The following GRPR variants were observed in gnomAD, a reference collection of about 807,000 sequenced individuals.
GRPR encodes gastrin releasing peptide receptor.
Under a neutral mutation model 15.6 loss-of-function variants are expected in GRPR, and 4 were observed. The observed-to-expected ratio is 0.26, with a 90% CI of 0.13 to 0.59. GRPR has a LOEUF of 0.59. Ranked by LOEUF, GRPR falls within the 20% of genes least tolerant of loss-of-function variation. GRPR has a pLI of 0.90. For synonymous variants in GRPR, 128 were observed against 126.8 expected (o/e 1.01, Z -0.06); for missense variants, 270 against 304.1 (o/e 0.89, Z 0.83).
At chrX:16,151,401 A>C (rs1280361945) in intron 2 of GRPR, among the ~76,000 whole-genome samples, 1 of 86,857 alleles carries the variant, frequency 1.2e-5, no homozygotes, top group Non-Finnish European at 2.5e-5. Flanking sequence ...GGTGTAGATC[A>C]TGTAGCATCT....
chrX:16,151,939 CT>C (rs1922712114), intron 2 of GRPR, among the ~76,000 whole-genome samples: 1 of 111,737 alleles, frequency 8.9e-6, no homozygotes, highest in Non-Finnish European at 1.9e-5. Flanking sequence ...ATGTAATCAA[CT>C]TTGTTTAAAG....
chrX:16,150,190 TGA>T (rs1922673684), intron 1 of GRPR, 113 bp from the exon 2 acceptor site: 2 of 562,331 alleles, frequency 3.6e-6, no homozygotes, highest in Admixed American at 2.5e-5. Flanking sequence ...GACCCGAAAG[TGA>T]GCACCTCCTT....
intron 1 of GRPR, among the ~76,000 whole-genome samples, chrX:16,144,474 A>G (rs1416367023): frequency 1.8e-5 from 2 of 111,971 alleles, no homozygotes; most frequent in African/African-American, 6.5e-5. Flanking sequence ...TAGTGCAACA[A>G]TTCCTACAGA....
chrX:16,123,814 T>C lies in GRPR; in HGVS notation c.-140T>C. ...AGAGAGTTTTGAATACCATAGTTAG[T>C]ATATATGTACTCAGAGTATTTTTAT... On this transcript the variant is annotated 5_prime_UTR_variant, in exon 1 of 3. Transcript: ENST00000380289. 2 of 527,093 alleles carry C rather than the reference T, an allele frequency of 3.8e-6. No individual in the cohort carries two copies. Among genetic ancestry groups the C allele is most frequent in the Non-Finnish European group, 3.3e-6 (1 of 302,577 alleles). 43.4% of individuals were successfully genotyped at this position (527,093 alleles called of 1,213,427 possible).
At position 16,135,856 on chromosome X, in the gene GRPR, C is replaced by T. The variant is rs113138024; in HGVS notation, c.413+11490C>T. On this transcript the variant is annotated intron_variant, in intron 1 of 2. Coordinates refer to ENST00000380289, the MANE Select transcript of GRPR (RefSeq NM_005314.3). Reference sequence around the variant, plus strand: ...ATTTCATTATTATCTTTTCTTCTCCCTTTACACTTTAAATGTTTGGAAACA... The same window carrying T: ...ATTTCATTATTATCTTTTCTTCTCCTTTTACACTTTAAATGTTTGGAAACA... Among the ~76,000 whole-genome samples the T allele has an allele frequency of 5.8e-3, 651 of 111,992 alleles. 4 individuals are homozygous for T. Among genetic ancestry groups the T allele is most frequent in the African/African-American group, 0.02 (611 of 30,899 alleles).
At chrX:16,149,884 AAAGAT>A (rs1259026108) in intron 1 of GRPR, among the ~76,000 whole-genome samples, 1 of 112,068 alleles carries the variant, frequency 8.9e-6, no homozygotes, top group Non-Finnish European at 1.9e-5. Context: ...CTCATTTTAA[AAAGAT>A]AAGTATGTGA....
intron 1 of GRPR, among the ~76,000 whole-genome samples, chrX:16,145,823 A>G (rs1252450118): frequency 8.9e-6 from 1 of 111,933 alleles, no homozygotes; most frequent in African/African-American, 3.2e-5. Context: ...GAAAGAAAAG[A>G]CATACCCATA....
At chrX:16,137,501 T>C (rs1922467102) in intron 1 of GRPR, among the ~76,000 whole-genome samples, 1 of 112,322 alleles carries the variant, frequency 8.9e-6, no homozygotes, top group Non-Finnish European at 1.9e-5. Context: ...TTTTAATGTT[T>C]CTCCATCATG....
intron 2 of GRPR, among the ~76,000 whole-genome samples, chrX:16,151,880 A>G (rs1025501031): frequency 1.8e-5 from 2 of 111,827 alleles, no homozygotes; most frequent in Non-Finnish European, 3.8e-5. Context: ...TGCTCTCCTG[A>G]GGAAAAAGGG....
rs759673238 is a variant in GRPR at position 16,148,054 on chromosome X, T to G, written c.414-2251T>G. On this transcript the variant is annotated intron_variant, in intron 1 of 2. Transcript: ENST00000380289. ...AGAACTTTATTTTAAATTTTTATTT[T>G]TATTTGTATTTGTTTAAAAATAAAG... Among the ~76,000 whole-genome samples the G allele has an allele frequency of 4.4e-4, 49 of 112,171 alleles. 1 individual carries two copies. The highest frequency in any genetic ancestry group is 7.5e-4 in the South Asian group (2 of 2,658).
chrX:16,140,495 G>C (rs1288003759), intron 1 of GRPR, among the ~76,000 whole-genome samples: 1 of 111,622 alleles, frequency 9.0e-6, no homozygotes. Flanking sequence ...AGGTCACTTA[G>C]AGGGCTGGGC....
intron 1 of GRPR, among the ~76,000 whole-genome samples, chrX:16,139,797 C>T (rs1311245675): frequency 9.0e-6 from 1 of 111,622 alleles, no homozygotes; most frequent in Non-Finnish European, 1.9e-5. Flanking sequence ...TACTTAACCT[C>T]TCAGTGCCTT....
At position 16,152,666 on chromosome X, in the gene GRPR, C is replaced by T. The variant is rs755488880; in HGVS notation, c.*21C>T. ...TCTAGATTGACCCTTGATTTTGCCC[C>T]CTGAGGGACGGTTTTGCTTTATGGC... is the stretch of plus-strand genomic sequence containing the variant. On this transcript the variant is annotated 3_prime_UTR_variant, in exon 3 of 3. Coordinates refer to ENST00000380289, the MANE Select transcript of GRPR (RefSeq NM_005314.3). The T allele has an allele frequency of 2.6e-5, 31 of 1,186,872 alleles. No individual in the cohort carries two copies. Among genetic ancestry groups the T allele is most frequent in the Non-Finnish European group, 3.5e-5 (31 of 873,442 alleles).
At chrX:16,152,009 C>G (rs1922713797) in intron 2 of GRPR, among the ~76,000 whole-genome samples, 2 of 110,027 alleles carry the variant, frequency 1.8e-5, no homozygotes, top group Non-Finnish European at 3.8e-5. Context: ...TGCTTCCTGG[C>G]TCATCCATTT....
chrX:16,147,878 T>C (rs185464356), intron 1 of GRPR, among the ~76,000 whole-genome samples: 5 of 111,723 alleles, frequency 4.5e-5, no homozygotes, highest in African/African-American at 1.6e-4. Flanking sequence ...ATTTTATCTC[T>C]AACAAATTTA....
intron 2 of GRPR, among the ~76,000 whole-genome samples, chrX:16,151,233 G>T (rs1249788343): frequency 1.8e-5 from 2 of 112,045 alleles, no homozygotes; most frequent in Admixed American, 1.9e-4. Context: ...GTATATGTAA[G>T]GCCTACAGTG....
At position 16,152,480 on chromosome X, in the gene GRPR, G is replaced by C; in HGVS notation, c.990G>C (p.Arg330Ser). 1 of 1,210,619 alleles carries C rather than the reference G, an allele frequency of 8.3e-7. No homozygotes were observed. Among genetic ancestry groups the C allele is most frequent in the Non-Finnish European group, 1.1e-6 (1 of 894,503 alleles). ...FALYLLSKSF[R>S]KQFNTQLLCC... Reference sequence around the variant, plus strand: ...TCTACCTGCTGAGCAAGAGTTTCAGGAAACAGTTCAACACTCAGCTGCTCT... The same window carrying C: ...TCTACCTGCTGAGCAAGAGTTTCAGCAAACAGTTCAACACTCAGCTGCTCT... Residue 330 changes from arginine (R) to serine (S), a missense_variant, in exon 3 of 3, where the codon AGG (arginine) becomes AGC (serine). Around this residue, in one of 3 missense-constraint regions of GRPR, gnomAD observed 133 missense variants for 123.4 expected, o/e 1.08. Coordinates refer to ENST00000380289, the MANE Select transcript of GRPR (RefSeq NM_005314.3).
At chrX:16,134,210 C>T (rs1224425204) in intron 1 of GRPR, among the ~76,000 whole-genome samples, 1 of 111,592 alleles carries the variant, frequency 9.0e-6, no homozygotes, top group Non-Finnish European at 1.9e-5. Flanking sequence ...CACTGTACTT[C>T]AGTCTGGCCA....
intron 1 of GRPR, among the ~76,000 whole-genome samples, chrX:16,150,039 T>C (rs916850851): frequency 9.0e-6 from 1 of 111,158 alleles, no homozygotes; most frequent in African/African-American, 3.3e-5. Flanking sequence ...AAAAAGAGAA[T>C]ATAAGCGGAA....
Sources: allele counts gnomAD v4.1 joint callset (sites outside exome capture counted in the v4.1 genomes callset), GRCh38; gene constraint gnomAD v4.1.1; regional missense constraint gnomAD v4.1.1; transcripts MANE v1.5; gene names NCBI Gene and HGNC (gene_info 2026-07-23, HGNC 2026-07-21).